Variants in LUZP2 observed in about 807,000 individuals in gnomAD.
The protein encoded by LUZP2 is leucine zipper protein 2.
A neutral mutation model predicts 51.6 loss-of-function variants in LUZP2; 52 were observed. The ratio of observed to expected loss-of-function variants is 1.01; its 90% CI spans 0.81 to 1.27. The LOEUF (loss-of-function observed/expected upper bound fraction) is 1.27, where lower values mean the gene tolerates loss of function less well. Among genes scored for constraint, LUZP2 ranks in the 50% most tolerant of loss-of-function variants. The pLI, the probability that LUZP2 is intolerant of heterozygous loss-of-function variation, is 0.00. For missense variants in LUZP2, 436 were observed against 395.4 expected, an observed-to-expected ratio of 1.10 and a Z score of -0.87; for synonymous variants, 154 against 137.3, an observed-to-expected ratio of 1.12 and a Z score of -0.85.
chr11:24,794,987 C>A (rs1250979709), intron 5 of LUZP2, among the ~76,000 whole-genome samples: 19 of 152,022 alleles, frequency 1.2e-4, no homozygotes, highest in Admixed American at 1.2e-3. Flanking sequence ...AGATAGAGGG[C>A]AGATGGAAGT....
intron 10 of LUZP2, among the ~76,000 whole-genome samples, chr11:25,071,457 A>G (rs1859155943): frequency 6.6e-6 from 1 of 151,994 alleles, no homozygotes; most frequent in African/African-American, 2.4e-5. Flanking sequence ...TTAAATATAA[A>G]GTTTATATTT....
chr11:24,558,636 T>C (rs897524542), intron 1 of LUZP2, among the ~76,000 whole-genome samples: 10 of 152,162 alleles, frequency 6.6e-5, no homozygotes, highest in Non-Finnish European at 1.3e-4. Flanking sequence ...ACTTTATCTC[T>C]AGTTCAATAG....
At chr11:24,697,476 ACT>A (rs1159848615) in intron 1 of LUZP2, among the ~76,000 whole-genome samples, 2 of 152,176 alleles carry the variant, frequency 1.3e-5, no homozygotes, top group African/African-American at 2.4e-5. Flanking sequence ...GACACAGCAG[ACT>A]CTATCTTGCC....
Position 25,079,341 on chromosome 11 carries a change from C to T in LUZP2, c.*683C>T, listed in dbSNP as rs1298666435. ...ATTTTGGCATTCTATAGACACATCT[C>T]CTATGTATGTCTACTGTAATTAATC... On this transcript the variant is annotated 3_prime_UTR_variant, in exon 12 of 12. Transcript: ENST00000336930. 1 of 152,080 alleles carries T rather than the reference C, an allele frequency of 6.6e-6. No homozygotes were observed. Among genetic ancestry groups the T allele is most frequent in the African/African-American group, 2.4e-5 (1 of 41,430 alleles). The allele number at this position is 152,080 out of a possible 1,614,324, so 9.4% of individuals were successfully genotyped here.
chr11:24,680,901 TAAC>T (rs746366085), intron 1 of LUZP2, among the ~76,000 whole-genome samples: 4 of 152,178 alleles, frequency 2.6e-5, no homozygotes, highest in Non-Finnish European at 5.9e-5. Flanking sequence ...TGGACTGCTG[TAAC>T]AACAACTGTC....
intron 1 of LUZP2, among the ~76,000 whole-genome samples, chr11:24,657,626 G>A (rs899917079): frequency 6.6e-6 from 1 of 152,124 alleles, no homozygotes; most frequent in Non-Finnish European, 1.5e-5. Context: ...AGGAAAAGAG[G>A]AAGTCAAATT....
chr11:25,009,380 T>C (rs1856921149), intron 9 of LUZP2, among the ~76,000 whole-genome samples: 1 of 152,208 alleles, frequency 6.6e-6, no homozygotes, highest in Admixed American at 6.5e-5. Flanking sequence ...CATAAATAAT[T>C]ATTTGCATTG....
chr11:25,069,917 G>C (rs1859106539), intron 10 of LUZP2, among the ~76,000 whole-genome samples: 1 of 151,618 alleles, frequency 6.6e-6, no homozygotes, highest in Admixed American at 6.6e-5. Flanking sequence ...AGTGAGTTTA[G>C]TGGTGTCAAA....
chr11:24,786,120 C>T (rs1374543649), intron 5 of LUZP2: 3 of 985,140 alleles, frequency 3.0e-6, no homozygotes, highest in Admixed American at 6.2e-5. Flanking sequence ...TAGGCCCTCA[C>T]AAATCCCTCA....
Position 24,980,489 on chromosome 11 carries a change from CA to C in LUZP2, c.598-2633del, listed in dbSNP as rs1590799523. On this transcript the variant is annotated intron_variant, in intron 8 of 11. Transcript: ENST00000336930. ...AATATTTCATCATTTTCTCTTGTAACAAAACACTAACCTATATTCTCTGGAG... is the reference window on the plus strand; with the variant it reads ...AATATTTCATCATTTTCTCTTGTAACAAACACTAACCTATATTCTCTGGAG... Among the ~76,000 whole-genome samples, 3 of 151,504 alleles carry C rather than the reference CA, an allele frequency of 2.0e-5. No individual in the cohort carries two copies. The East Asian group carries it at 5.9e-4, about 30-fold the overall frequency.
rs982045193 is a variant in LUZP2, at chr11:24,642,078, C to T, written c.63-87091C>T. ...CTAATTTTTGTATTTTTAGTAGAGA[C>T]GAGGTTTCACTATGTTGGTCAGGAT... On this transcript the variant is annotated intron_variant, in intron 1 of 11. Transcript: ENST00000336930. Among the ~76,000 whole-genome samples the T allele has an allele frequency of 4.6e-5, 7 of 151,686 alleles. No homozygotes were observed. The East Asian group carries it at 5.8e-4, about 13-fold the overall frequency.
chr11:24,823,759 T>C (rs1266581957), intron 5 of LUZP2, among the ~76,000 whole-genome samples: 1 of 152,150 alleles, frequency 6.6e-6, no homozygotes, highest in Non-Finnish European at 1.5e-5. Context: ...ACTAAGTTTG[T>C]AGGCTTAGAA....
At chr11:24,794,709 T>C (rs1849503217) in intron 5 of LUZP2, among the ~76,000 whole-genome samples, 1 of 152,130 alleles carries the variant, frequency 6.6e-6, no homozygotes, top group Non-Finnish European at 1.5e-5. Context: ...TTGCCTTTCT[T>C]TTACATGTAA....
intron 1 of LUZP2, among the ~76,000 whole-genome samples, chr11:24,568,044 A>G (rs1852299223): frequency 6.6e-6 from 1 of 152,208 alleles, no homozygotes; most frequent in African/African-American, 2.4e-5. Context: ...ATTTTGAAAA[A>G]GTCAACTATA....
At chr11:24,746,321 C>T (rs1011541324) in intron 4 of LUZP2, among the ~76,000 whole-genome samples, 1 of 152,120 alleles carries the variant, frequency 6.6e-6, no homozygotes, top group African/African-American at 2.4e-5. Context: ...TGCTTACTTT[C>T]ACTGGATACA....
chr11:24,923,245 T>C (rs1051609303), intron 7 of LUZP2, among the ~76,000 whole-genome samples: 2 of 152,190 alleles, frequency 1.3e-5, no homozygotes, highest in African/African-American at 4.8e-5. Flanking sequence ...TTACAGATTA[T>C]ATCTTTTAGA....
intron 9 of LUZP2, among the ~76,000 whole-genome samples, chr11:24,987,706 T>C (rs1415009137): frequency 6.6e-6 from 1 of 151,952 alleles, no homozygotes; most frequent in African/African-American, 2.4e-5. Flanking sequence ...CTTAAAGACA[T>C]GCAAGTGAAA....
intron 5 of LUZP2, among the ~76,000 whole-genome samples, chr11:24,899,415 A>G (rs1174320083): frequency 6.6e-6 from 1 of 151,960 alleles, no homozygotes; most frequent in Non-Finnish European, 1.5e-5. Flanking sequence ...AAAAACAAGA[A>G]GGTAAAAAAA....
rs373050689 is a variant in LUZP2, at chr11:24,819,116, C to T, written c.396+55808C>T. ...TCAGGAGTTGGCGACTCTGAGAAAACGTTTGTTTGTTACTGAGAAGAAAAG... is the reference window on the plus strand; with the variant it reads ...TCAGGAGTTGGCGACTCTGAGAAAATGTTTGTTTGTTACTGAGAAGAAAAG... On this transcript the variant is annotated intron_variant, in intron 5 of 11. Transcript: ENST00000336930. Among the ~76,000 whole-genome samples, 10 of 151,896 alleles carry T rather than the reference C, an allele frequency of 6.6e-5. No individual in the cohort carries two copies. The South Asian group carries it at 1.2e-3, about 19-fold the overall frequency.
Sources: allele counts gnomAD v4.1 joint callset (sites outside exome capture counted in the v4.1 genomes callset), GRCh38; gene constraint gnomAD v4.1.1; transcripts MANE v1.5; gene names NCBI Gene and HGNC (gene_info 2026-07-23, HGNC 2026-07-21).